The following AP2B1 variants were observed in gnomAD, a reference collection of about 807,000 sequenced individuals.
The protein encoded by AP2B1 is adaptor related protein complex 2 subunit beta 1, also known as AP-2 complex subunit beta.
A neutral mutation model predicts 102.0 loss-of-function variants in AP2B1; 23 were observed. That is an observed-to-expected ratio of 0.23 (90% confidence interval 0.16 to 0.32). AP2B1 has a LOEUF of 0.32. AP2B1 is among the 10% of genes least tolerant of loss of function. The probability of loss-of-function intolerance (pLI) is 1.00; values close to 1 mark genes in which losing one functional copy is unlikely to be tolerated. For synonymous variants in AP2B1, 381 were observed against 421.2 expected, an observed-to-expected ratio of 0.90 and a Z score of 1.17; for missense variants, 541 against 1,157.4, an observed-to-expected ratio of 0.47 and a Z score of 7.73.
At chr17:35,631,469 C>G (rs1294079905) in intron 9 of AP2B1, among the ~76,000 whole-genome samples, 1 of 152,048 alleles carries the variant, frequency 6.6e-6, no homozygotes, top group African/African-American at 2.4e-5. Context: ...CATTTTATAT[C>G]ATTGTTTATA....
At chr17:35,618,835 C>T (rs2074095215) in intron 5 of AP2B1, among the ~76,000 whole-genome samples, 1 of 152,064 alleles carries the variant, frequency 6.6e-6, no homozygotes, top group Non-Finnish European at 1.5e-5. Context: ...AGGTATAGAT[C>T]ATAAATCATA....
chr17:35,636,867 C>A (rs2142696865), intron 10 of AP2B1, among the ~76,000 whole-genome samples: 1 of 152,132 alleles, frequency 6.6e-6, no homozygotes, highest in East Asian at 1.9e-4. Flanking sequence ...TCGTATAGCA[C>A]CCTACCATAA....
rs2073550572 is a variant in AP2B1 at position 35,603,250 on chromosome 17, T to C, written c.144-2455T>C. ...AATACACCTACATTTGTTTTTTCTTTCTTCTATGCTAGTAGCAAGATGTTT... is the reference window on the plus strand; with the variant it reads ...AATACACCTACATTTGTTTTTTCTTCCTTCTATGCTAGTAGCAAGATGTTT... On this transcript the variant is annotated intron_variant, in intron 3 of 21. Coordinates refer to ENST00000610402, the MANE Select transcript of AP2B1 (RefSeq NM_001030006.2). Among the ~76,000 whole-genome samples, 3 of 152,362 alleles carry C rather than the reference T, an allele frequency of 2.0e-5. No homozygotes were observed. The South Asian group carries it at 6.2e-4, about 32-fold the overall frequency.
At chr17:35,687,937 A>G (rs1197414914) in intron 18 of AP2B1, among the ~76,000 whole-genome samples, 1 of 152,238 alleles carries the variant, frequency 6.6e-6, no homozygotes, top group Non-Finnish European at 1.5e-5. Flanking sequence ...CTTTTTGTAG[A>G]TAATTGGAGT....
intron 12 of AP2B1, among the ~76,000 whole-genome samples, chr17:35,649,535 G>A (rs766567171): frequency 1.3e-5 from 2 of 152,186 alleles, no homozygotes; most frequent in Non-Finnish European, 2.9e-5. Flanking sequence ...TTCCCAAAGT[G>A]CTGGGATTAC....
chr17:35,610,520 T>C (rs987681499), intron 5 of AP2B1, among the ~76,000 whole-genome samples: 3 of 151,962 alleles, frequency 2.0e-5, no homozygotes, highest in African/African-American at 7.2e-5. Context: ...CCTAGCACTT[T>C]GGGAGGCTGA....
At chr17:35,608,512 G>A (rs1164651392) in intron 5 of AP2B1, 125 bp downstream of exon 5, 11 of 1,173,630 alleles carry the variant, frequency 9.4e-6, no homozygotes, top group South Asian at 4.4e-5. Context: ...ACATGACTTT[G>A]TGTGTCTCAC....
intron 18 of AP2B1, among the ~76,000 whole-genome samples, chr17:35,704,467 C>T (rs2076300331): frequency 6.6e-6 from 1 of 152,150 alleles, no homozygotes; most frequent in African/African-American, 2.4e-5. Context: ...TGTTCAACAT[C>T]TTCCACTTAT....
chr17:35,656,753 T>C (rs192599036), intron 13 of AP2B1, among the ~76,000 whole-genome samples: 59 of 151,948 alleles, frequency 3.9e-4, no homozygotes, highest in East Asian at 3.9e-3. Flanking sequence ...GGCACGGTGG[T>C]GGGCGCCTGT....
chr17:35,657,181 G>A (rs1260047076), intron 13 of AP2B1, among the ~76,000 whole-genome samples: 2 of 152,070 alleles, frequency 1.3e-5, no homozygotes, highest in Non-Finnish European at 2.9e-5. Context: ...CACAATACAT[G>A]TTTCTGCTGT....
Position 35,725,620 on chromosome 17 carries a change from T to C in AP2B1, c.*1921T>C, listed in dbSNP as rs1555595078. ...CAGTAGGAAACAGCATAGGATTGTA[T>C]GTGGGAGGTGGATAGGTCGGTGATG... is the stretch of plus-strand genomic sequence containing the variant. On this transcript the variant is annotated 3_prime_UTR_variant, in exon 22 of 22. Transcript: ENST00000610402. The C allele has an allele frequency of 6.6e-6, 1 of 152,502 alleles. No homozygotes were observed. Among genetic ancestry groups the C allele is most frequent in the African/African-American group, 2.4e-5 (1 of 41,396 alleles). The allele number at this position is 152,502 out of a possible 1,614,324, so 9.4% of individuals were successfully genotyped here. A position where few individuals can be genotyped will look rare whatever the true frequency, so the allele number is the denominator to read the frequency against.
intron 5 of AP2B1, among the ~76,000 whole-genome samples, chr17:35,618,922 A>G (rs1266372679): frequency 6.6e-6 from 1 of 152,216 alleles, no homozygotes; most frequent in African/African-American, 2.4e-5. Flanking sequence ...ATAAAGTAGA[A>G]TACATTTTTC....
At position 35,595,850 on chromosome 17, in the gene AP2B1, T is replaced by C. The variant is rs920239405; in HGVS notation, c.37+1783T>C. Among the ~76,000 whole-genome samples the C allele has an allele frequency of 2.6e-5, 4 of 152,220 alleles. No homozygotes were observed. In the East Asian group the frequency reaches 7.7e-4, roughly 29 times the overall value. ...TTGGAAATATGTTTATTTCTTCTTC[T>C]GTTAGCATTTTGTGTGCTTTGACGA... On this transcript the variant is annotated intron_variant, in intron 2 of 21. Coordinates refer to ENST00000610402, the MANE Select transcript of AP2B1 (RefSeq NM_001030006.2).
chr17:35,682,334 CTTTTTTTTT>C (rs587645888), intron 17 of AP2B1, among the ~76,000 whole-genome samples: 7 of 72,056 alleles, frequency 9.7e-5, no homozygotes, highest in African/African-American at 4.1e-4. Context: ...AATCCTGCCT[CTTTTTTTTT>C]TTTTTTTTTT....
At chr17:35,666,949 C>T (rs908099399) in intron 14 of AP2B1, among the ~76,000 whole-genome samples, 5 of 152,178 alleles carry the variant, frequency 3.3e-5, no homozygotes, top group African/African-American at 1.2e-4. Flanking sequence ...CCAGCCTGAA[C>T]AATGAAGTAA....
At chr17:35,705,950 A>C (rs980093525) in intron 18 of AP2B1, among the ~76,000 whole-genome samples, 1 of 152,208 alleles carries the variant, frequency 6.6e-6, no homozygotes, top group Non-Finnish European at 1.5e-5. Context: ...CCATGAATTT[A>C]GTACTTTGTG....
intron 13 of AP2B1, among the ~76,000 whole-genome samples, chr17:35,654,032 A>G (rs2075156032): frequency 6.6e-6 from 1 of 150,948 alleles, no homozygotes; most frequent in Non-Finnish European, 1.5e-5. Flanking sequence ...TAAAGAAAAC[A>G]TTTGTTTTTT....
chr17:35,689,444 T>G (rs79231460), intron 18 of AP2B1, among the ~76,000 whole-genome samples: 3,667 of 152,334 alleles, frequency 0.024, 134 homozygotes, highest in East Asian at 0.19. Flanking sequence ...ATTACAGGTA[T>G]GAGCTACCAC....
intron 14 of AP2B1, among the ~76,000 whole-genome samples, chr17:35,668,409 AC>A (rs1191014788): frequency 6.6e-6 from 1 of 152,062 alleles, no homozygotes; most frequent in Non-Finnish European, 1.5e-5. Context: ...CCCAGGCTAC[AC>A]CCCAGAACAA....
Sources: gnomAD v4.1 joint callset for allele counts (sites outside exome capture counted in the v4.1 genomes callset) on GRCh38, gnomAD v4.1.1 for gene constraint, MANE v1.5 for transcripts, NCBI Gene and HGNC (gene_info 2026-07-23, HGNC 2026-07-21) for gene names.